Variants in C4orf36 observed in about 807,000 individuals in gnomAD.
C4orf36 encodes the protein chromosome 4 open reading frame 36, also known as uncharacterized protein C4orf36.
A neutral mutation model predicts 12.2 loss-of-function variants in C4orf36; 11 were observed. The observed-to-expected ratio is 0.90, with a 90% CI of 0.57 to 1.49. C4orf36 has a LOEUF of 1.49. Among genes scored for constraint, C4orf36 ranks in the 40% most tolerant of loss-of-function variants. The probability of loss-of-function intolerance (pLI) is 0.00; values close to 1 mark genes in which losing one functional copy is unlikely to be tolerated. For synonymous variants in C4orf36, 54 were observed against 51.3 expected (o/e 1.05, Z -0.22); for missense variants, 137 against 133.9 (o/e 1.02, Z -0.11).
the C4orf36 span, among the ~76,000 whole-genome samples, chr4:86,907,976 GAAAA>G: frequency 3.3e-5 from 5 of 150,386 alleles, no homozygotes; most frequent in African/African-American, 1.2e-4. Context: ...AAAAAAAAGA[GAAAA>G]AAAGAAATGG....
At chr4:86,894,053 C>T (rs1295623822), upstream of C4orf36, among the ~76,000 whole-genome samples, 2 of 151,942 alleles carry the variant, frequency 1.3e-5, no homozygotes, top group Admixed American at 6.6e-5. Context: ...CCCGCCACCA[C>T]GCCCAGCTGA....
At chr4:86,926,646 T>C in the C4orf36 span, among the ~76,000 whole-genome samples, 51 of 152,228 alleles carry the variant, frequency 3.4e-4, no homozygotes, top group Admixed American at 5.2e-4. Flanking sequence ...TCTTAGACGA[T>C]AGGGTCATTC....
the C4orf36 span, among the ~76,000 whole-genome samples, chr4:86,926,643 C>T: frequency 3.9e-5 from 6 of 152,084 alleles, no homozygotes; most frequent in Non-Finnish European, 7.4e-5. Flanking sequence ...TCTTCTTAGA[C>T]GATAGGGTCA....
At chr4:86,915,212 C>T in the C4orf36 span, among the ~76,000 whole-genome samples, 1 of 152,152 alleles carries the variant, frequency 6.6e-6, no homozygotes, top group African/African-American at 2.4e-5. Flanking sequence ...TAAGCACCCT[C>T]CATCACCCAC....
At position 86,890,134 on chromosome 4, in the gene C4orf36, C is replaced by A. The variant is rs574709499; in HGVS notation, c.65+1322G>T. 9.0e-6 allele frequency: 4 copies of A among 442,326 alleles called. No individual in the cohort carries two copies. The East Asian group carries it at 3.0e-4, about 33-fold the overall frequency. The allele number at this position is 442,326 out of a possible 1,614,324, so 27.4% of individuals were successfully genotyped here. On this transcript the variant is annotated intron_variant, in intron 2 of 4. Coordinates refer to ENST00000295898, the MANE Select transcript of C4orf36 (RefSeq NM_144645.4). ...TCAAGCCCAGGAGGTGCACAACATT[C>A]CAGCCTGCGTGACAGTGTGAGACCC...
At chr4:86,879,648 A>G (rs1000481767) in intron 4 of C4orf36, among the ~76,000 whole-genome samples, 3 of 151,750 alleles carry the variant, frequency 2.0e-5, no homozygotes, top group Non-Finnish European at 2.9e-5. Context: ...ATCTTCCCAA[A>G]TTTGAGGAAG....
At chr4:86,931,697 CTTATT>C in the C4orf36 span, among the ~76,000 whole-genome samples, 87 of 152,232 alleles carry the variant, frequency 5.7e-4, 1 homozygote, top group African/African-American at 1.9e-3. Context: ...AGTGCCTGGC[CTTATT>C]TTATTCTATT....
At chr4:86,892,713 T>TG (rs554568280), upstream of C4orf36, among the ~76,000 whole-genome samples, 5 of 152,222 alleles carry the variant, frequency 3.3e-5, no homozygotes, top group Non-Finnish European at 5.9e-5. Context: ...TGCTGACATC[T>TG]GGGGAACCGA....
chr4:86,935,036 C>A, the C4orf36 span: 1 of 151,858 alleles, frequency 6.6e-6, no homozygotes, highest in African/African-American at 2.4e-5. Flanking sequence ...GACGGGCGCG[C>A]GCGGCCCCTG....
chr4:86,892,269 G>A lies in C4orf36; in HGVS notation c.-160C>T, dbSNP rs1747451216. The A allele has an allele frequency of 4.1e-6, 4 of 985,754 alleles. No individual in the cohort carries two copies. Among genetic ancestry groups the A allele is most frequent in the African/African-American group, 1.7e-5 (1 of 57,260 alleles). 61.1% of individuals were successfully genotyped at this position (985,754 alleles called of 1,614,324 possible). A position where few individuals can be genotyped will look rare whatever the true frequency, so the allele number is the denominator to read the frequency against. On this transcript the variant is annotated 5_prime_UTR_variant, in exon 1 of 5. Coordinates refer to ENST00000295898, the MANE Select transcript of C4orf36 (RefSeq NM_144645.4). The stretch of plus-strand genomic sequence containing the variant: ...GGCGGGTCCCCGCGAGCCGGCGCCG[G>A]CGGCCTGGTTACCCGGGCTCCAGGG...
chr4:86,894,467 C>G (rs1449820852), upstream of C4orf36, among the ~76,000 whole-genome samples: 1 of 152,080 alleles, frequency 6.6e-6, no homozygotes, highest in Non-Finnish European at 1.5e-5. Context: ...GAGGTTATAT[C>G]CAGATAGGGG....
At chr4:86,915,232 G>A in the C4orf36 span, among the ~76,000 whole-genome samples, 1 of 152,060 alleles carries the variant, frequency 6.6e-6, no homozygotes, top group Non-Finnish European at 1.5e-5. Context: ...CTCCAGTTCT[G>A]ACTCCCCACA....
At chr4:86,914,904 C>A in the C4orf36 span, 158 of 315,276 alleles carry the variant, frequency 5.0e-4, 3 homozygotes, top group African/African-American at 3.4e-3. Flanking sequence ...TCTGGGCAGT[C>A]AATGCAAACA....
Position 86,886,269 on chromosome 4 carries a change from G to A in C4orf36, c.*2+1489C>T, listed in dbSNP as rs114229596. On this transcript the variant is annotated intron_variant, in intron 4 of 4. Coordinates refer to ENST00000295898, the MANE Select transcript of C4orf36 (RefSeq NM_144645.4). ...CTATTGATTGGAATAGTTTCAGAAG[G>A]AATGGTTAAACTAAAGAGCTTCTGC... Among the ~76,000 whole-genome samples the A allele has an allele frequency of 7.2e-5, 11 of 152,214 alleles. No homozygotes were observed. In the East Asian group the frequency reaches 2.1e-3, roughly 29 times the overall value.
the C4orf36 span, among the ~76,000 whole-genome samples, chr4:86,906,728 C>CAAAAAAAAA: frequency 2.5e-5 from 2 of 78,830 alleles, no homozygotes; most frequent in Non-Finnish European, 4.4e-5. Flanking sequence ...AAGACGGTCT[C>CAAAAAAAAA]AAAAAAAAAA....
intron 2 of C4orf36, chr4:86,890,052 C>T (rs1470447128): frequency 2.2e-6 from 1 of 453,978 alleles, no homozygotes; most frequent in Non-Finnish European, 4.4e-6. Flanking sequence ...ACTCACCGGG[C>T]ACAGTGGTGT....
At chr4:86,926,053 T>G in the C4orf36 span, 1 of 152,070 alleles carries the variant, frequency 6.6e-6, no homozygotes, top group African/African-American at 2.4e-5. Flanking sequence ...ATTTTTTGTA[T>G]TTTTTAGTAG....
chr4:86,885,954 A>T (rs1747168177), intron 4 of C4orf36, among the ~76,000 whole-genome samples: 1 of 152,208 alleles, frequency 6.6e-6, no homozygotes, highest in Non-Finnish European at 1.5e-5. Flanking sequence ...CTATGGAGAT[A>T]ATCATGTGGT....
the C4orf36 span, among the ~76,000 whole-genome samples, chr4:86,915,511 C>T: frequency 3.1e-3 from 467 of 152,240 alleles, 5 homozygotes; most frequent in African/African-American, 9.6e-3. Context: ...AGGCTGGGCA[C>T]GGTGATTCAC....
Sources: allele counts gnomAD v4.1 joint callset (sites outside exome capture counted in the v4.1 genomes callset), GRCh38; gene constraint gnomAD v4.1.1; transcripts MANE v1.5; gene names NCBI Gene and HGNC (gene_info 2026-07-23, HGNC 2026-07-21).